The following ITFG1 variants were observed in gnomAD, a reference collection of about 807,000 sequenced individuals.
The protein encoded by ITFG1 is integrin alpha FG-GAP repeat containing 1, also known as T-cell immunomodulatory protein.
Under a neutral mutation model 81.8 loss-of-function variants are expected in ITFG1, and 34 were observed. The ratio of observed to expected loss-of-function variants is 0.42; its 90% CI spans 0.32 to 0.55. ITFG1 has a LOEUF of 0.55. ITFG1 is among the 20% of genes least tolerant of loss of function. The pLI is 0.17. For synonymous variants in ITFG1, 285 were observed against 270.6 expected, an observed-to-expected ratio of 1.05 and a Z score of -0.52; for missense variants, 672 against 755.4, an observed-to-expected ratio of 0.89 and a Z score of 1.29.
chr16:47,226,912 G>T (rs1186288708), intron 13 of ITFG1, among the ~76,000 whole-genome samples: 2 of 151,864 alleles, frequency 1.3e-5, no homozygotes, highest in Admixed American at 1.3e-4. Flanking sequence ...AATATAATGG[G>T]TTATCTTTTA....
chr16:47,189,767 A>C (rs1183323362), intron 14 of ITFG1, among the ~76,000 whole-genome samples: 1 of 152,210 alleles, frequency 6.6e-6, no homozygotes, highest in Non-Finnish European at 1.5e-5. Flanking sequence ...TTTTTTGAAG[A>C]ACTGAGTAGT....
At chr16:47,303,416 G>C (rs1288130778) in intron 10 of ITFG1, among the ~76,000 whole-genome samples, 8 of 152,106 alleles carry the variant, frequency 5.3e-5, no homozygotes, top group Admixed American at 5.2e-4. Context: ...TGCTACCAAA[G>C]ACTTATTATG....
chr16:47,177,879 A>G (rs1349051367), intron 14 of ITFG1, among the ~76,000 whole-genome samples: 1 of 152,224 alleles, frequency 6.6e-6, no homozygotes, highest in African/African-American at 2.4e-5. Context: ...ATTCCTATAT[A>G]TAGAGTACAG....
At chr16:47,240,336 G>C (rs1965919435) in intron 12 of ITFG1, among the ~76,000 whole-genome samples, 1 of 147,442 alleles carries the variant, frequency 6.8e-6, no homozygotes, top group African/African-American at 2.5e-5. Flanking sequence ...TATTCAATAA[G>C]TGGTGCTGGA....
chr16:47,374,605 A>C (rs979634515), intron 7 of ITFG1, among the ~76,000 whole-genome samples: 3 of 152,330 alleles, frequency 2.0e-5, no homozygotes, highest in Admixed American at 1.3e-4. Context: ...ACCTGCAAAC[A>C]AACTTCTCCC....
chr16:47,383,139 C>T (rs1048777551), intron 6 of ITFG1, among the ~76,000 whole-genome samples: 3 of 152,094 alleles, frequency 2.0e-5, no homozygotes, highest in African/African-American at 7.2e-5. Flanking sequence ...ATACAAACTT[C>T]AAACATAAGA....
chr16:47,331,998 C>G (rs1346508549), intron 8 of ITFG1, among the ~76,000 whole-genome samples: 2 of 152,030 alleles, frequency 1.3e-5, no homozygotes, highest in Non-Finnish European at 2.9e-5. Flanking sequence ...GGTCAAAGCA[C>G]CTTGTCTTTA....
At chr16:47,382,266 A>G (rs1422268495) in intron 6 of ITFG1, among the ~76,000 whole-genome samples, 2 of 152,300 alleles carry the variant, frequency 1.3e-5, no homozygotes, top group South Asian at 4.1e-4. Context: ...GATCAACCCT[A>G]TTTCCTATAT....
chr16:47,271,322 T>C (rs1042725625), intron 10 of ITFG1, among the ~76,000 whole-genome samples: 7 of 152,136 alleles, frequency 4.6e-5, no homozygotes, highest in Non-Finnish European at 1.0e-4. Context: ...TGAATAGTTT[T>C]CCAAGGAAGA....
chr16:47,293,163 TAATA>T (rs1394135286), intron 10 of ITFG1, among the ~76,000 whole-genome samples: 2 of 147,582 alleles, frequency 1.4e-5, no homozygotes, highest in East Asian at 1.9e-4. Context: ...GCATGATATA[TAATA>T]TATATCATAT....
At chr16:47,317,665 G>C (rs959903948) in intron 8 of ITFG1, 1 of 152,218 alleles carries the variant, frequency 6.6e-6, no homozygotes, top group Non-Finnish European at 1.5e-5. Context: ...TTGTATGTTC[G>C]TAAGTTCTCC....
chr16:47,217,857 G>T (rs1392186220), intron 14 of ITFG1, among the ~76,000 whole-genome samples: 1 of 152,142 alleles, frequency 6.6e-6, no homozygotes, highest in Non-Finnish European at 1.5e-5. Flanking sequence ...CCCGGGAGGC[G>T]GAGCTTGCAG....
chr16:47,285,508 A>C (rs1966866412), intron 10 of ITFG1, among the ~76,000 whole-genome samples: 1 of 152,220 alleles, frequency 6.6e-6, no homozygotes, highest in African/African-American at 2.4e-5. Context: ...CTGGTTGGAC[A>C]GAAATTTCAG....
intron 4 of ITFG1, among the ~76,000 whole-genome samples, chr16:47,452,452 CA>C (rs1403992629): frequency 6.6e-6 from 1 of 152,088 alleles, no homozygotes; most frequent in African/African-American, 2.4e-5. Context: ...CAGTTTTACT[CA>C]AAAACAGGTA....
At chr16:47,303,097 C>T (rs572348286) in intron 10 of ITFG1, among the ~76,000 whole-genome samples, 3 of 152,152 alleles carry the variant, frequency 2.0e-5, no homozygotes, top group African/African-American at 7.2e-5. Flanking sequence ...AGGTGAAACC[C>T]CGTCTCTACT....
chr16:47,377,696 C>T (rs187315000), intron 6 of ITFG1, among the ~76,000 whole-genome samples: 3 of 152,248 alleles, frequency 2.0e-5, no homozygotes, highest in Admixed American at 6.5e-5. Context: ...GCTTTCCCTC[C>T]GCTGTTATTC....
chr16:47,406,902 T>C (rs1004826796), intron 6 of ITFG1, among the ~76,000 whole-genome samples: 1 of 152,178 alleles, frequency 6.6e-6, no homozygotes, highest in African/African-American at 2.4e-5. Context: ...AATAATATTC[T>C]AGGCAGAGAA....
chr16:47,361,255 A>G (rs1463386182), intron 8 of ITFG1, among the ~76,000 whole-genome samples: 1 of 152,150 alleles, frequency 6.6e-6, no homozygotes, highest in African/African-American at 2.4e-5. Flanking sequence ...AATTTATATG[A>G]CATTTACAAT....
At chr16:47,402,893 A>T (rs1968679534) in intron 6 of ITFG1, among the ~76,000 whole-genome samples, 1 of 152,236 alleles carries the variant, frequency 6.6e-6, no homozygotes, top group African/African-American at 2.4e-5. Context: ...TGCAACAACT[A>T]CAAACTATCT....
Sources: gnomAD v4.1 joint callset for allele counts (sites outside exome capture counted in the v4.1 genomes callset) on GRCh38, gnomAD v4.1.1 for gene constraint, MANE v1.5 for transcripts, NCBI Gene and HGNC (gene_info 2026-07-23, HGNC 2026-07-21) for gene names.